STX17: variants seen among roughly 807,000 people sequenced by gnomAD.
The protein encoded by STX17 is syntaxin 17.
A neutral mutation model predicts 35.9 loss-of-function variants in STX17; 29 were observed. The observed-to-expected ratio is 0.81, with a 90% confidence interval of 0.60 to 1.10. The LOEUF (loss-of-function observed/expected upper bound fraction) is 1.10. Among genes scored for constraint, STX17 ranks in the 50% least tolerant of loss-of-function variants. The pLI, the probability that STX17 is intolerant of heterozygous loss-of-function variation, is 0.00. For synonymous variants in STX17, 92 were observed against 118.3 expected (o/e 0.78, Z 1.44); for missense variants, 312 against 352.3 (o/e 0.89, Z 0.92).
chr9:99,936,037 C>G (rs1461100298), intron 3 of STX17, among the ~76,000 whole-genome samples: 1 of 152,114 alleles, frequency 6.6e-6, no homozygotes, highest in African/African-American at 2.4e-5. Context: ...TTCTTCCACT[C>G]TGCATAAATA....
chr9:99,940,887 A>G (rs1452439464), intron 3 of STX17, among the ~76,000 whole-genome samples: 1 of 152,230 alleles, frequency 6.6e-6, no homozygotes, highest in Non-Finnish European at 1.5e-5. Context: ...TGATCAAATT[A>G]TCTTTCCTAA....
At chr9:99,928,672 AGATAG>A in intron 2 of STX17, 101 bp from the exon 3 acceptor site, 1 of 833,678 alleles carries the variant, frequency 1.2e-6, no homozygotes, top group Non-Finnish European at 2.0e-6. Flanking sequence ...TCTCTTCTCT[AGATAG>A]TATGTTTAAG....
rs1373362589 is a variant in STX17, at chr9:99,969,438, T to C, written c.*765T>C. On this transcript the variant is annotated 3_prime_UTR_variant, in exon 8 of 8. Transcript: ENST00000259400. The stretch of plus-strand genomic sequence containing the variant: ...TCCCTTGTAATTATGAAAAGTTCTT[T>C]GGTTTCTGGGGTGAATTCTACCCAT... 6.6e-6 allele frequency: 1 copy of C among 152,244 alleles called. No individual in the cohort carries two copies. The highest frequency in any genetic ancestry group is 1.5e-5 in the Non-Finnish European group (1 of 68,062). 9.4% of individuals were successfully genotyped at this position (152,244 alleles called of 1,614,324 possible).
chr9:99,915,723 C>T (rs1221948765), intron 2 of STX17, among the ~76,000 whole-genome samples: 1 of 151,978 alleles, frequency 6.6e-6, no homozygotes, highest in Non-Finnish European at 1.5e-5. Context: ...CCGTGGCTAA[C>T]TTATTTTTAT....
intron 6 of STX17, among the ~76,000 whole-genome samples, chr9:99,966,330 C>T (rs993605103): frequency 3.9e-5 from 6 of 152,118 alleles, no homozygotes; most frequent in South Asian, 2.1e-4. Flanking sequence ...ACCACAATGG[C>T]GAAGATAGAC....
chr9:99,968,563 T>G lies in STX17; in HGVS notation c.799T>G (p.Leu267Val). 3 of 1,613,882 alleles carry G rather than the reference T, an allele frequency of 1.9e-6. No individual in the cohort carries two copies. Among genetic ancestry groups the G allele is most frequent in the Non-Finnish European group, 2.5e-6 (3 of 1,179,916 alleles). ...TGCAGCTGCACTTGGTGGTGGGGTGTTGGGCTTCACAGGTGGAAAATTGAT... is the reference window on the plus strand; with the variant it reads ...TGCAGCTGCACTTGGTGGTGGGGTGGTGGGCTTCACAGGTGGAAAATTGAT... The part of the protein sequence containing the change: ...GIAAALGGGV[L>V]GFTGGKLIQR... Residue 267 changes from leucine (L) to valine (V), a missense_variant, in exon 8 of 8, where the codon TTG becomes GTG. Transcript: ENST00000259400.
chr9:99,941,042 A>C (rs186520551), intron 3 of STX17, among the ~76,000 whole-genome samples: 57 of 152,248 alleles, frequency 3.7e-4, no homozygotes, highest in Middle Eastern at 3.4e-3. Context: ...AGTTCTTTTC[A>C]TTATTTCTTC....
At chr9:99,907,807 A>G (rs1828580587) in intron 1 of STX17, among the ~76,000 whole-genome samples, 2 of 152,242 alleles carry the variant, frequency 1.3e-5, no homozygotes, top group South Asian at 2.1e-4. Context: ...TATTAACTGA[A>G]TTACTAACTT....
chr9:99,930,987 C>T (rs554262939), intron 3 of STX17, among the ~76,000 whole-genome samples: 58 of 151,780 alleles, frequency 3.8e-4, no homozygotes, highest in African/African-American at 1.0e-3. Flanking sequence ...TTTTGTTTTT[C>T]GTTTTTTGAG....
chr9:99,923,226 G>T (rs1436857303), intron 2 of STX17, among the ~76,000 whole-genome samples: 1 of 152,042 alleles, frequency 6.6e-6, no homozygotes, highest in Non-Finnish European at 1.5e-5. Context: ...GATTTCACCA[G>T]GTAGTGAGCG....
At chr9:99,918,739 G>A (rs1828832132) in intron 2 of STX17, among the ~76,000 whole-genome samples, 1 of 152,088 alleles carries the variant, frequency 6.6e-6, no homozygotes, top group Non-Finnish European at 1.5e-5. Context: ...GGGGTGAATA[G>A]CTGAGAATCT....
At chr9:99,909,762 A>G (rs1312396651) in intron 1 of STX17, among the ~76,000 whole-genome samples, 1 of 152,212 alleles carries the variant, frequency 6.6e-6, no homozygotes, top group Non-Finnish European at 1.5e-5. Context: ...TTTAAAAATA[A>G]CTAAAAGAGT....
At chr9:99,916,187 AG>A (rs1828765917) in intron 2 of STX17, 1 of 414,328 alleles carries the variant, frequency 2.4e-6, no homozygotes, top group Admixed American at 2.7e-5. Context: ...AAGATGAATT[AG>A]TCTCAGGGAC....
intron 2 of STX17, among the ~76,000 whole-genome samples, chr9:99,917,031 G>T (rs1333502738): frequency 6.6e-6 from 1 of 152,194 alleles, no homozygotes; most frequent in Non-Finnish European, 1.5e-5. Context: ...AGTTGTGCCA[G>T]AAGTCACAAG....
intron 1 of STX17, chr9:99,913,984 T>C (rs1173983941): frequency 6.6e-6 from 1 of 151,610 alleles, no homozygotes; most frequent in Non-Finnish European, 1.5e-5. Context: ...TTTTTTTTTT[T>C]TGTAGAGATG....
At chr9:99,944,101 AT>A (rs1346399218) in intron 3 of STX17, among the ~76,000 whole-genome samples, 72 of 152,026 alleles carry the variant, frequency 4.7e-4, no homozygotes, top group African/African-American at 1.6e-3. Flanking sequence ...ATTGGCATAC[AT>A]TTTTTCAGAA....
chr9:99,956,042 G>A (rs1402483775), intron 4 of STX17, among the ~76,000 whole-genome samples: 1 of 152,108 alleles, frequency 6.6e-6, no homozygotes, highest in South Asian at 2.1e-4. Context: ...GAAAAGATTT[G>A]CTTTAATTGA....
chr9:99,950,380 C>T (rs977812819), intron 3 of STX17, among the ~76,000 whole-genome samples: 1 of 151,730 alleles, frequency 6.6e-6, no homozygotes, highest in East Asian at 1.9e-4. Context: ...TTCTGGGAGT[C>T]TTTCCTACAC....
intron 6 of STX17, among the ~76,000 whole-genome samples, chr9:99,961,361 G>A (rs1374797710): frequency 1.3e-5 from 2 of 152,178 alleles, no homozygotes; most frequent in African/African-American, 4.8e-5. Flanking sequence ...GTAAAGGACA[G>A]CTGAGAGATA....
Sources: gnomAD v4.1 joint callset for allele counts (sites outside exome capture counted in the v4.1 genomes callset) on GRCh38, gnomAD v4.1.1 for gene constraint, MANE v1.5 for transcripts, NCBI Gene and HGNC (gene_info 2026-07-23, HGNC 2026-07-21) for gene names.